Variants in NETO1 observed in about 807,000 individuals in gnomAD.
NETO1 encodes the protein neuropilin and tolloid like 1.
A neutral mutation model predicts 61.3 loss-of-function variants in NETO1; 26 were observed. The ratio of observed to expected loss-of-function variants is 0.42; its 90% CI spans 0.31 to 0.59. The LOEUF is 0.59. Among genes scored for constraint, NETO1 ranks in the 20% least tolerant of loss-of-function variants. The pLI, the probability that NETO1 is intolerant of heterozygous loss-of-function variation, is 0.12. For synonymous variants in NETO1, 225 were observed against 225.8 expected (o/e 1.00, Z 0.03); for missense variants, 531 against 662.8 (o/e 0.80, Z 2.18).
chr18:72,810,571 T>C (rs2072832088), intron 4 of NETO1, among the ~76,000 whole-genome samples: 1 of 152,242 alleles, frequency 6.6e-6, no homozygotes, highest in South Asian at 2.1e-4. Context: ...AACAGTGTTA[T>C]ACCACTTCTT....
chr18:72,752,681 C>T (rs1022213889), intron 8 of NETO1, among the ~76,000 whole-genome samples: 16 of 151,254 alleles, frequency 1.1e-4, no homozygotes, highest in African/African-American at 3.2e-4. Flanking sequence ...TTTGGGGAGC[C>T]GGATATTGGA....
At chr18:72,826,446 G>A (rs1417405333) in intron 4 of NETO1, among the ~76,000 whole-genome samples, 5 of 151,400 alleles carry the variant, frequency 3.3e-5, no homozygotes, top group South Asian at 2.1e-4. Flanking sequence ...TTCTTTTCTC[G>A]TGTTTTTTTA....
intron 7 of NETO1, among the ~76,000 whole-genome samples, chr18:72,781,026 T>C (rs1180248742): frequency 2.0e-5 from 3 of 152,206 alleles, no homozygotes; most frequent in African/African-American, 7.2e-5. Flanking sequence ...AATCAAAGTA[T>C]TGACTCACAT....
At chr18:72,833,212 T>C (rs1478356858) in intron 4 of NETO1, among the ~76,000 whole-genome samples, 2 of 152,198 alleles carry the variant, frequency 1.3e-5, no homozygotes, top group Non-Finnish European at 1.5e-5. Context: ...TTTCCCAAAA[T>C]ATGAATCTAC....
At chr18:72,852,978 G>A (rs1481123327) in intron 4 of NETO1, among the ~76,000 whole-genome samples, 1 of 151,154 alleles carries the variant, frequency 6.6e-6, no homozygotes, top group Non-Finnish European at 1.5e-5. Flanking sequence ...GATTACAGGC[G>A]CCTGCCACCA....
intron 4 of NETO1, among the ~76,000 whole-genome samples, chr18:72,855,009 TAA>T (rs1258519578): frequency 6.6e-6 from 1 of 152,200 alleles, no homozygotes; most frequent in Non-Finnish European, 1.5e-5. Flanking sequence ...AAACTTGATT[TAA>T]AACTTGTTTA....
intron 7 of NETO1, among the ~76,000 whole-genome samples, chr18:72,772,793 T>TCTCTC (rs1391807702): frequency 0.013 from 743 of 58,674 alleles, 107 homozygotes; most frequent in Non-Finnish European, 0.018. Flanking sequence ...CTCTATATAG[T>TCTCTC]TCTCTCTCTC....
chr18:72,801,535 A>AT (rs894938550), intron 4 of NETO1, among the ~76,000 whole-genome samples: 1 of 152,120 alleles, frequency 6.6e-6, no homozygotes, highest in Non-Finnish European at 1.5e-5. Flanking sequence ...AATAACATAC[A>AT]TTTTCAGAGA....
chr18:72,796,505 G>A (rs568744020), intron 4 of NETO1, among the ~76,000 whole-genome samples: 144 of 151,950 alleles, frequency 9.5e-4, no homozygotes, highest in African/African-American at 3.3e-3. Context: ...TTTTTGAGAC[G>A]GAGTCTGGCT....
At chr18:72,842,174 A>G (rs1183333715) in intron 4 of NETO1, among the ~76,000 whole-genome samples, 1 of 152,226 alleles carries the variant, frequency 6.6e-6, no homozygotes, top group Non-Finnish European at 1.5e-5. Context: ...GGAAATGTTC[A>G]AAATAAAGAA....
At chr18:72,801,371 T>G (rs1396000322) in intron 4 of NETO1, among the ~76,000 whole-genome samples, 1 of 152,190 alleles carries the variant, frequency 6.6e-6, no homozygotes, top group Non-Finnish European at 1.5e-5. Context: ...GGTCACTATT[T>G]TCATAATAAT....
chr18:72,827,727 A>G (rs1193922405), intron 4 of NETO1, among the ~76,000 whole-genome samples: 1 of 151,654 alleles, frequency 6.6e-6, no homozygotes, highest in Non-Finnish European at 1.5e-5. Flanking sequence ...AAAAAAAAAA[A>G]AAAAAAAAAA....
chr18:72,786,831 T>C (rs1405564860), intron 6 of NETO1, among the ~76,000 whole-genome samples: 1 of 141,416 alleles, frequency 7.1e-6, no homozygotes, highest in Non-Finnish European at 1.6e-5. Flanking sequence ...AAAAAAAGAT[T>C]TTTTTTTCAG....
chr18:72,772,777 A>ATATATT (rs2071399383), intron 7 of NETO1, among the ~76,000 whole-genome samples: 1 of 123,764 alleles, frequency 8.1e-6, no homozygotes, highest in Non-Finnish European at 1.8e-5. Context: ...ATATATATAT[A>ATATATT]CAGATCTCTA....
intron 6 of NETO1, among the ~76,000 whole-genome samples, chr18:72,786,604 A>G (rs1005685868): frequency 5.9e-5 from 9 of 152,168 alleles, no homozygotes; most frequent in Non-Finnish European, 8.8e-5. Flanking sequence ...CATTTTCGGT[A>G]TGCCCAGGTT....
Position 72,865,496 on chromosome 18 carries a change from C to T in NETO1, c.29-255G>A. The T allele has an allele frequency of 3.3e-6, 5 of 1,517,346 alleles. No individual in the cohort carries two copies. The Admixed American group carries it at 7.5e-5, about 23-fold the overall frequency. 94.0% of individuals were successfully genotyped at this position (1,517,346 alleles called of 1,614,324 possible). ...TCCTAAGGCAAATACATCATTCACTCTAAAGGCAACATGTCAATTTACTCA... is the reference window on the plus strand; with the variant it reads ...TCCTAAGGCAAATACATCATTCACTTTAAAGGCAACATGTCAATTTACTCA... On this transcript the variant is annotated intron_variant, in intron 1 of 10. Transcript: ENST00000327305.
chr18:72,855,523 A>G (rs1325607514), intron 4 of NETO1, among the ~76,000 whole-genome samples: 2 of 152,182 alleles, frequency 1.3e-5, no homozygotes, highest in Non-Finnish European at 2.9e-5. Flanking sequence ...GCCCATTTCT[A>G]TTCTCTCTCG....
Position 72,791,345 on chromosome 18 carries a change from A to C in NETO1, c.639+2772T>G, listed in dbSNP as rs148042730. Reference sequence around the variant, plus strand: ...TCAAATATTCACCACGAGCCATTTCAAGTTTAACTTGTGCTTTGATAGTCT... The same window carrying C: ...TCAAATATTCACCACGAGCCATTTCCAGTTTAACTTGTGCTTTGATAGTCT... On this transcript the variant is annotated intron_variant, in intron 6 of 10. Coordinates refer to ENST00000327305, the MANE Select transcript of NETO1 (RefSeq NM_138966.5). 1.7e-3 allele frequency among the ~76,000 whole-genome samples: 266 copies of C among 152,312 alleles called. 1 individual carries two copies. Among genetic ancestry groups the C allele is most frequent in the African/African-American group, 6.3e-3 (263 of 41,574 alleles).
At chr18:72,835,836 A>G (rs2073728274) in intron 4 of NETO1, among the ~76,000 whole-genome samples, 1 of 152,168 alleles carries the variant, frequency 6.6e-6, no homozygotes, top group African/African-American at 2.4e-5. Context: ...TGTTTGGAAA[A>G]CACATATGAT....
Sources: gnomAD v4.1 joint callset for allele counts (sites outside exome capture counted in the v4.1 genomes callset) on GRCh38, gnomAD v4.1.1 for gene constraint, MANE v1.5 for transcripts, NCBI Gene and HGNC (gene_info 2026-07-23, HGNC 2026-07-21) for gene names.